Variants in WDR7 observed in about 807,000 individuals in gnomAD.
The protein encoded by WDR7 is WD repeat-containing protein 7.
WDR7 carries 46 observed loss-of-function variants against 169.4 expected under a neutral mutation model. That is an observed-to-expected ratio of 0.27 (90% confidence interval 0.21 to 0.35). The LOEUF (loss-of-function observed/expected upper bound fraction) is 0.35, where lower values mean the gene tolerates loss of function less well. Among genes scored for constraint, WDR7 ranks in the 10% least tolerant of loss-of-function variants. WDR7 has a pLI of 1.00. For missense variants in WDR7, 1,534 were observed against 1,859.3 expected (o/e 0.83, Z 3.22); for synonymous variants, 612 against 666.8 (o/e 0.92, Z 1.27).
intron 1 of WDR7, among the ~76,000 whole-genome samples, chr18:56,661,757 G>A (rs959041675): frequency 1.3e-5 from 2 of 152,180 alleles, no homozygotes; most frequent in African/African-American, 2.4e-5. Context: ...AAGCAGCCGA[G>A]TAGTTTCTTT....
At chr18:56,795,688 T>G (rs1599050338) in intron 19 of WDR7, among the ~76,000 whole-genome samples, 1 of 152,346 alleles carries the variant, frequency 6.6e-6, no homozygotes, top group East Asian at 1.9e-4. Context: ...TTCACTCTGT[T>G]GCCCAGGCTG....
intron 21 of WDR7, among the ~76,000 whole-genome samples, chr18:56,895,791 A>G (rs2046325102): frequency 6.6e-6 from 1 of 151,858 alleles, no homozygotes; most frequent in African/African-American, 2.4e-5. Context: ...ATTTGAGTAA[A>G]TGGTTTGCAT....
intron 26 of WDR7, among the ~76,000 whole-genome samples, chr18:57,017,621 G>A (rs1174651819): frequency 2.0e-5 from 3 of 151,888 alleles, no homozygotes; most frequent in Non-Finnish European, 2.9e-5. Context: ...AAATGAAAAC[G>A]GAACAGTGAT....
At chr18:56,945,115 G>A (rs2047085900) in intron 25 of WDR7, among the ~76,000 whole-genome samples, 1 of 152,110 alleles carries the variant, frequency 6.6e-6, no homozygotes, top group African/African-American at 2.4e-5. Context: ...AGGAGTTTAA[G>A]CAGCTTTGAA....
At chr18:56,672,251 T>G (rs1264585275) in intron 1 of WDR7, among the ~76,000 whole-genome samples, 1 of 152,184 alleles carries the variant, frequency 6.6e-6, no homozygotes, top group African/African-American at 2.4e-5. Context: ...AAAGACCTGT[T>G]TATTATTATT....
chr18:56,726,284 G>C (rs1267638446), intron 13 of WDR7, among the ~76,000 whole-genome samples: 1 of 152,194 alleles, frequency 6.6e-6, no homozygotes, highest in African/African-American at 2.4e-5. Context: ...CTATCTATGA[G>C]CATGGAATGT....
intron 19 of WDR7, among the ~76,000 whole-genome samples, chr18:56,799,358 G>A (rs1454781239): frequency 6.6e-6 from 1 of 152,248 alleles, no homozygotes; most frequent in East Asian, 1.9e-4. Flanking sequence ...AATGGAACAG[G>A]ATGACAATAT....
intron 26 of WDR7, chr18:57,010,329 C>T (rs1660081575): frequency 1.0e-6 from 1 of 973,240 alleles, no homozygotes; most frequent in African/African-American, 1.8e-5. Flanking sequence ...ATAATTTATT[C>T]ACTATTCTTT....
At chr18:57,030,856 G>A (rs1318733786), downstream of WDR7, 1 of 143,338 alleles carries the variant, frequency 7.0e-6, no homozygotes, top group Non-Finnish European at 1.5e-5. Flanking sequence ...TCAAAAATTA[G>A]ATGTTCAGTT....
At chr18:56,691,472 A>C in intron 8 of WDR7, 111 bp downstream of exon 8, 1 of 1,247,930 alleles carries the variant, frequency 8.0e-7, no homozygotes, top group African/African-American at 1.6e-5. Context: ...AACTTTGATA[A>C]AACACTTCAG....
At chr18:56,833,624 T>C (rs1258018833) in intron 20 of WDR7, among the ~76,000 whole-genome samples, 5 of 152,212 alleles carry the variant, frequency 3.3e-5, no homozygotes, top group African/African-American at 9.6e-5. Context: ...TTTTTATGAA[T>C]TTGGTGTAGA....
chr18:56,749,386 TTGTGTGTG>T (rs71863855), intron 14 of WDR7, among the ~76,000 whole-genome samples: 2,393 of 148,698 alleles, frequency 0.016, 64 homozygotes, highest in African/African-American at 0.056. Flanking sequence ...GTGTGTGTGT[TTGTGTGTG>T]TGTGTGTGTG....
chr18:56,748,663 A>C (rs2043741191), intron 14 of WDR7, among the ~76,000 whole-genome samples: 1 of 152,008 alleles, frequency 6.6e-6, no homozygotes, highest in South Asian at 2.1e-4. Context: ...TAATGAAAAC[A>C]TATGAAAAGT....
At chr18:56,917,637 G>T (rs1002249982) in intron 21 of WDR7, among the ~76,000 whole-genome samples, 1 of 152,132 alleles carries the variant, frequency 6.6e-6, no homozygotes, top group African/African-American at 2.4e-5. Flanking sequence ...TTAAACATTG[G>T]CATTTTTCAC....
intron 21 of WDR7, among the ~76,000 whole-genome samples, chr18:56,920,537 G>A (rs1366544147): frequency 1.3e-5 from 2 of 152,114 alleles, no homozygotes; most frequent in African/African-American, 4.8e-5. Flanking sequence ...CACCAAATGC[G>A]AAAATCCTTG....
intron 3 of WDR7, among the ~76,000 whole-genome samples, chr18:56,680,527 C>CT (rs2025332606): frequency 1.3e-5 from 2 of 152,108 alleles, no homozygotes; most frequent in Non-Finnish European, 2.9e-5. Flanking sequence ...GAAAAATTGT[C>CT]TTATATAATA....
At chr18:56,792,728 C>G (rs1599047648) in intron 19 of WDR7, among the ~76,000 whole-genome samples, 1 of 150,776 alleles carries the variant, frequency 6.6e-6, no homozygotes, top group East Asian at 2.0e-4. Flanking sequence ...TTATCTGCTC[C>G]CTAAAAACCT....
intron 20 of WDR7, among the ~76,000 whole-genome samples, chr18:56,837,752 C>T (rs1170784296): frequency 6.6e-6 from 1 of 152,054 alleles, no homozygotes; most frequent in African/African-American, 2.4e-5. Context: ...CCTCTGCCTC[C>T]TGGGTGCAAG....
intron 14 of WDR7, among the ~76,000 whole-genome samples, chr18:56,748,945 T>C (rs1291450174): frequency 6.6e-6 from 1 of 152,012 alleles, no homozygotes; most frequent in East Asian, 1.9e-4. Flanking sequence ...TCTGCCTTTC[T>C]CCTTCTTCCT....
Sources: allele counts gnomAD v4.1 joint callset (sites outside exome capture counted in the v4.1 genomes callset), GRCh38; gene constraint gnomAD v4.1.1; transcripts MANE v1.5; gene names NCBI Gene and HGNC (gene_info 2026-07-23, HGNC 2026-07-21).